The following TTLL11 variants were observed in gnomAD, a reference collection of about 807,000 sequenced individuals.
TTLL11 encodes tubulin tyrosine ligase like 11, also known as tubulin polyglutamylase TTLL11.
Under a neutral mutation model 51.7 loss-of-function variants are expected in TTLL11, and 42 were observed. That is an observed-to-expected ratio of 0.81 (90% CI 0.64 to 1.05). The LOEUF (loss-of-function observed/expected upper bound fraction) is 1.05, where lower values mean the gene tolerates loss of function less well. Among genes scored for constraint, TTLL11 ranks in the 50% least tolerant of loss-of-function variants. TTLL11 has a pLI of 0.00. For missense variants in TTLL11, 799 were observed against 940.4 expected, an observed-to-expected ratio of 0.85 and a Z score of 1.97; for synonymous variants, 381 against 383.5, an observed-to-expected ratio of 0.99 and a Z score of 0.08.
chr9:121,881,619 T>G (rs139356612), intron 6 of TTLL11, among the ~76,000 whole-genome samples: 6 of 152,242 alleles, frequency 3.9e-5, no homozygotes, highest in Non-Finnish European at 7.3e-5. Flanking sequence ...TCACTCAGCA[T>G]CACGCCAGGA....
chr9:121,931,647 A>G (rs1840987648), intron 6 of TTLL11, among the ~76,000 whole-genome samples: 1 of 151,880 alleles, frequency 6.6e-6, no homozygotes, highest in Non-Finnish European at 1.5e-5. Flanking sequence ...TTTCAGATGG[A>G]ACTAAAATGC....
chr9:121,989,211 C>T lies in TTLL11; in HGVS notation c.1253G>A (p.Gly418Asp). ...AATGGTTACCTGGAAGCACGTGGGGCCCGGCCTCCCCGTGGGGATGTCTGA... is the reference window on the plus strand; with the variant it reads ...AATGGTTACCTGGAAGCACGTGGGGTCCGGCCTCCCCGTGGGGATGTCTGA... ...YQSDIPTGRP[G>D]PTCFQILGFD... The change falls in exon 4 of 9, where the codon GGC (glycine) becomes GAC (aspartate). Residue 418 changes from glycine (G) to aspartate (D), a missense_variant. Coordinates refer to ENST00000321582, the MANE Select transcript of TTLL11 (RefSeq NM_001139442.2). This position sits in a 1 kb window ranked among gnomAD's most constrained non-coding sequence, Gnocchi z 4.2. The T allele has an allele frequency of 6.2e-7, 1 of 1,613,932 alleles. No homozygotes were observed. The highest frequency in any genetic ancestry group is 2.2e-5 in the East Asian group (1 of 44,862).
At chr9:122,023,397 A>ACT (rs1445093977) in intron 3 of TTLL11, among the ~76,000 whole-genome samples, 2 of 151,608 alleles carry the variant, frequency 1.3e-5, no homozygotes, top group African/African-American at 4.8e-5. Context: ...CTCTGAAAAA[A>ACT]CTCTTCTAGA....
At chr9:122,014,460 T>C (rs1490148876) in intron 3 of TTLL11, among the ~76,000 whole-genome samples, 1 of 152,190 alleles carries the variant, frequency 6.6e-6, no homozygotes, top group Non-Finnish European at 1.5e-5. Flanking sequence ...CATAGGAACT[T>C]TTCCTGACTT....
At chr9:121,915,980 GAC>G (rs1345897073) in intron 6 of TTLL11, among the ~76,000 whole-genome samples, 3 of 98,624 alleles carry the variant, frequency 3.0e-5, no homozygotes, top group Non-Finnish European at 6.0e-5. Flanking sequence ...TATAGACAAA[GAC>G]ACACACATAC....
intron 4 of TTLL11, among the ~76,000 whole-genome samples, chr9:121,978,574 G>A (rs1225865205): frequency 6.6e-6 from 1 of 152,040 alleles, no homozygotes; most frequent in Non-Finnish European, 1.5e-5. Context: ...TAACGGAGCA[G>A]GAATTGTAAA....
intron 4 of TTLL11, among the ~76,000 whole-genome samples, chr9:121,985,325 G>C (rs1309907228): frequency 6.6e-6 from 1 of 152,032 alleles, no homozygotes; most frequent in East Asian, 1.9e-4. Context: ...AGGAAGATGA[G>C]GCACAGAGAA....
chr9:122,036,175 T>C (rs1844694594), intron 2 of TTLL11, among the ~76,000 whole-genome samples: 4 of 152,006 alleles, frequency 2.6e-5, no homozygotes, highest in Admixed American at 2.6e-4. Flanking sequence ...TTTTCTTCTC[T>C]CTTTACATGC....
At chr9:122,002,776 T>C (rs111235907) in intron 3 of TTLL11, among the ~76,000 whole-genome samples, 7,489 of 151,304 alleles carry the variant, frequency 0.049, 237 homozygotes, top group African/African-American at 0.097. Context: ...GAAACCCCCG[T>C]CTCTACTAAA....
At chr9:121,879,123 CCT>C in intron 6 of TTLL11, among the ~76,000 whole-genome samples, 1 of 152,328 alleles carries the variant, frequency 6.6e-6, no homozygotes, top group South Asian at 2.1e-4. Context: ...CACCTCAATA[CCT>C]GTTTGCCACT....
At chr9:121,924,382 G>A (rs1328459148) in intron 6 of TTLL11, among the ~76,000 whole-genome samples, 3 of 152,268 alleles carry the variant, frequency 2.0e-5, no homozygotes, top group African/African-American at 7.2e-5. Flanking sequence ...GGGGAGGGCA[G>A]AGAAAAGAGG....
chr9:121,852,549 G>GT (rs767417619), intron 8 of TTLL11, among the ~76,000 whole-genome samples: 7 of 152,130 alleles, frequency 4.6e-5, no homozygotes, highest in African/African-American at 7.2e-5. Context: ...CCCTTTGTCT[G>GT]TTTTTGGGGG....
intron 6 of TTLL11, among the ~76,000 whole-genome samples, chr9:121,972,814 T>C (rs774785790): frequency 7.2e-5 from 11 of 152,258 alleles, no homozygotes; most frequent in Non-Finnish European, 1.2e-4. Flanking sequence ...CAGAGGGTTC[T>C]AACGTGCAGC....
intron 6 of TTLL11, among the ~76,000 whole-genome samples, chr9:121,884,113 G>C (rs1313240843): frequency 2.0e-5 from 3 of 152,232 alleles, no homozygotes; most frequent in Non-Finnish European, 2.9e-5. Flanking sequence ...GAGATTTGCA[G>C]ATGCACAGAC....
chr9:121,983,520 C>G (rs965539641), intron 4 of TTLL11, among the ~76,000 whole-genome samples: 14 of 152,174 alleles, frequency 9.2e-5, no homozygotes, highest in African/African-American at 3.1e-4. Flanking sequence ...AGGCCTGAGA[C>G]TCTCCAACAC....
At chr9:121,973,950 T>A in intron 6 of TTLL11, 59 bp downstream of exon 6, 16 of 1,292,436 alleles carry the variant, frequency 1.2e-5, no homozygotes, top group Non-Finnish European at 1.7e-5. Flanking sequence ...CTGCTTAGGA[T>A]ACGAAGCCGG....
chr9:122,040,452 T>C, intron 1 of TTLL11: 11 of 978,798 alleles, frequency 1.1e-5, no homozygotes, highest in Non-Finnish European at 1.3e-5. Flanking sequence ...TTAATGAACA[T>C]ATTTTTTAAA....
At chr9:122,009,364 G>A (rs1233614465) in intron 3 of TTLL11, among the ~76,000 whole-genome samples, 1 of 151,428 alleles carries the variant, frequency 6.6e-6, no homozygotes, top group Non-Finnish European at 1.5e-5. Context: ...ATTTTATTAA[G>A]TAAACAATAA....
chr9:121,974,162 G>A (rs560642911), intron 5 of TTLL11, 38 bp from the exon 6 acceptor site: 26 of 1,478,128 alleles, frequency 1.8e-5, no homozygotes, highest in East Asian at 1.5e-4. Flanking sequence ...AGTGGAGACC[G>A]TGATTCCGTG....
Sources: allele counts gnomAD v4.1 joint callset (sites outside exome capture counted in the v4.1 genomes callset), GRCh38; gene constraint gnomAD v4.1.1; non-coding constraint Gnocchi (gnomAD v3.1); transcripts MANE v1.5; gene names NCBI Gene and HGNC (gene_info 2026-07-23, HGNC 2026-07-21).